PTPRG: variants seen among roughly 807,000 people sequenced by gnomAD.
PTPRG encodes the protein receptor-type tyrosine-protein phosphatase gamma.
Under a neutral mutation model 165.3 loss-of-function variants are expected in PTPRG, and 102 were observed. The observed-to-expected ratio is 0.62, with a 90% CI of 0.53 to 0.73. PTPRG has a LOEUF of 0.73. Among genes scored for constraint, PTPRG ranks in the 30% least tolerant of loss-of-function variants. PTPRG has a pLI of 0.00. For synonymous variants in PTPRG, 675 were observed against 669.5 expected, an observed-to-expected ratio of 1.01 and a Z score of -0.13; for missense variants, 1,866 against 1,861.4, an observed-to-expected ratio of 1.00 and a Z score of -0.05.
intron 2 of PTPRG, among the ~76,000 whole-genome samples, chr3:61,783,533 G>A (rs750153475): frequency 4.6e-5 from 7 of 152,168 alleles, no homozygotes; most frequent in Admixed American, 1.3e-4. Context: ...GTGTCCTAGG[G>A]TGTGGCTTGG....
intron 4 of PTPRG, among the ~76,000 whole-genome samples, chr3:62,071,799 C>T (rs1365924813): frequency 1.3e-5 from 2 of 152,158 alleles, no homozygotes; most frequent in East Asian, 1.9e-4. Flanking sequence ...TTTCAAATTA[C>T]AAATTTTGTA....
chr3:61,593,895 G>A (rs1037050123), intron 1 of PTPRG, among the ~76,000 whole-genome samples: 1 of 152,122 alleles, frequency 6.6e-6, no homozygotes, highest in African/African-American at 2.4e-5. Flanking sequence ...ACACAGATCT[G>A]TGTATTATCA....
chr3:61,893,119 G>C (rs2038262380), intron 2 of PTPRG, among the ~76,000 whole-genome samples: 1 of 152,154 alleles, frequency 6.6e-6, no homozygotes, highest in Non-Finnish European at 1.5e-5. Flanking sequence ...ATGCTGCTGG[G>C]AGCCATGTGT....
intron 1 of PTPRG, among the ~76,000 whole-genome samples, chr3:61,720,909 G>C (rs1051143111): frequency 2.0e-5 from 3 of 152,154 alleles, no homozygotes; most frequent in Non-Finnish European, 4.4e-5. Flanking sequence ...TTTCTGCTGC[G>C]TTGGCCTTGA....
chr3:61,983,777 T>G (rs1384240296), intron 2 of PTPRG, among the ~76,000 whole-genome samples: 1 of 152,150 alleles, frequency 6.6e-6, no homozygotes, highest in African/African-American at 2.4e-5. Flanking sequence ...TGAGACAGTT[T>G]GCTTAAATTG....
intron 14 of PTPRG, among the ~76,000 whole-genome samples, chr3:62,238,610 A>T (rs1035457213): frequency 9.9e-5 from 15 of 152,110 alleles, no homozygotes; most frequent in Non-Finnish European, 1.5e-4. Flanking sequence ...CCCTAGAGGG[A>T]GTCTTCACAA....
intron 2 of PTPRG, among the ~76,000 whole-genome samples, chr3:61,752,791 AAAAAAAAAAAG>A (rs1366602272): frequency 5.5e-5 from 6 of 108,258 alleles, no homozygotes; most frequent in Non-Finnish European, 8.1e-5. Context: ...GTCTCAAAAA[AAAAAAAAAAAG>A]AAAAAAAAAA....
chr3:61,987,763 C>G (rs989939411), intron 2 of PTPRG, among the ~76,000 whole-genome samples: 2 of 152,068 alleles, frequency 1.3e-5, no homozygotes, highest in African/African-American at 4.8e-5. Context: ...TTTGGTTTTT[C>G]AATGGATTCT....
intron 2 of PTPRG, among the ~76,000 whole-genome samples, chr3:61,987,422 T>A (rs567984738): frequency 2.0e-5 from 3 of 152,340 alleles, no homozygotes; most frequent in Non-Finnish European, 4.4e-5. Flanking sequence ...AGAACTAATA[T>A]GAATGGCAAG....
rs532971088 is a variant in PTPRG, at chr3:61,786,424, T to C, written c.190+37442T>C. 3.3e-5 allele frequency among the ~76,000 whole-genome samples: 5 copies of C among 152,322 alleles called. No individual in the cohort carries two copies. In the East Asian group the frequency reaches 9.6e-4, roughly 29 times the overall value. Reference sequence around the variant, plus strand: ...GTGGCTTGACTTGATACCTTGAGCCTCATGAGTTATTTCATCAGTTGGTCG... The same window carrying C: ...GTGGCTTGACTTGATACCTTGAGCCCCATGAGTTATTTCATCAGTTGGTCG... On this transcript the variant is annotated intron_variant, in intron 2 of 29. Transcript: ENST00000474889.
At chr3:62,128,717 G>A (rs1457647023) in intron 5 of PTPRG, among the ~76,000 whole-genome samples, 1 of 148,362 alleles carries the variant, frequency 6.7e-6, no homozygotes, top group East Asian at 2.0e-4. Context: ...CCCCATCCCT[G>A]GCCTCCTGCA....
intron 2 of PTPRG, among the ~76,000 whole-genome samples, chr3:61,968,682 G>T (rs1220869045): frequency 2.0e-5 from 3 of 152,080 alleles, no homozygotes; most frequent in African/African-American, 7.2e-5. Flanking sequence ...CTACCATTTG[G>T]GGGTTGACTT....
chr3:61,862,531 G>T (rs982674776), intron 2 of PTPRG, among the ~76,000 whole-genome samples: 2 of 152,018 alleles, frequency 1.3e-5, no homozygotes. Context: ...GGGATTACAG[G>T]CATGCACCAC....
At position 62,252,847 on chromosome 3, in the gene PTPRG, CTGTA is replaced by C. The variant is rs1047855749; in HGVS notation, c.2468-2269_2468-2266del. Reference sequence around the variant, plus strand: ...TGACAGTGGTCAGTACAGCATGCATCTGTATGTATGTCCGCCTGTCTGGTACTTT... The same window carrying C: ...TGACAGTGGTCAGTACAGCATGCATCTGTATGTCCGCCTGTCTGGTACTTT... On this transcript the variant is annotated intron_variant, in intron 15 of 29. Coordinates refer to ENST00000474889, the MANE Select transcript of PTPRG (RefSeq NM_002841.4). The surrounding 1 kb of genome is among the most constrained non-coding windows in gnomAD (Gnocchi z 4.6). Among the ~76,000 whole-genome samples the C allele has an allele frequency of 1.3e-5, 2 of 152,202 alleles. No homozygotes were observed. Among genetic ancestry groups the C allele is most frequent in the African/African-American group, 4.8e-5 (2 of 41,440 alleles).
Position 61,801,915 on chromosome 3 carries a change from C to T in PTPRG, c.190+52933C>T, listed in dbSNP as rs371194833. 1.2e-4 allele frequency among the ~76,000 whole-genome samples: 18 copies of T among 152,018 alleles called. No homozygotes were observed. The East Asian group carries it at 2.5e-3, about 21-fold the overall frequency. On this transcript the variant is annotated intron_variant, in intron 2 of 29. Coordinates refer to ENST00000474889, the MANE Select transcript of PTPRG (RefSeq NM_002841.4). Reference sequence around the variant, plus strand: ...TGGCGTGCGCCTGTAGTCCCAGCTACTCAGGAGGCTGAGGCAGGAGAATCA... The same window carrying T: ...TGGCGTGCGCCTGTAGTCCCAGCTATTCAGGAGGCTGAGGCAGGAGAATCA...
At chr3:62,029,127 T>TCA (rs1223061850) in intron 4 of PTPRG, among the ~76,000 whole-genome samples, 1 of 152,112 alleles carries the variant, frequency 6.6e-6, no homozygotes, top group Non-Finnish European at 1.5e-5. Context: ...GTGTCTTCTC[T>TCA]CACACACACT....
intron 8 of PTPRG, among the ~76,000 whole-genome samples, chr3:62,188,663 G>T (rs747945631): frequency 6.6e-6 from 1 of 152,122 alleles, no homozygotes; most frequent in Non-Finnish European, 1.5e-5. Context: ...AAGAAGAATG[G>T]TTGCATCTGT....
intron 1 of PTPRG, among the ~76,000 whole-genome samples, chr3:61,733,598 A>G (rs1182902899): frequency 6.6e-6 from 1 of 152,194 alleles, no homozygotes; most frequent in African/African-American, 2.4e-5. Context: ...TTCTTTGTGA[A>G]TTTTAGCAAC....
chr3:61,752,795 A>AAAAAG (rs1559592491), intron 2 of PTPRG, among the ~76,000 whole-genome samples: 2 of 108,218 alleles, frequency 1.8e-5, no homozygotes, highest in African/African-American at 3.6e-5. Flanking sequence ...CAAAAAAAAA[A>AAAAAG]AAAAAAGAAA....
Sources: allele counts gnomAD v4.1 joint callset (sites outside exome capture counted in the v4.1 genomes callset), GRCh38; gene constraint gnomAD v4.1.1; non-coding constraint Gnocchi (gnomAD v3.1); transcripts MANE v1.5; gene names NCBI Gene and HGNC (gene_info 2026-07-23, HGNC 2026-07-21).